BMP6: variants seen among roughly 807,000 people sequenced by gnomAD.
BMP6 encodes the protein bone morphogenetic protein 6.
BMP6 carries 17 observed loss-of-function variants against 54.1 expected under a neutral mutation model. The ratio of observed to expected loss-of-function variants is 0.31; its 90% confidence interval spans 0.22 to 0.47. BMP6 has a LOEUF of 0.47. Among genes scored for constraint, BMP6 ranks in the 20% least tolerant of loss-of-function variants. The pLI is 1.00. For synonymous variants in BMP6, 328 were observed against 291.2 expected (o/e 1.13, Z -1.28); for missense variants, 720 against 690.4 (o/e 1.04, Z -0.48).
intron 1 of BMP6, among the ~76,000 whole-genome samples, chr6:7,843,643 C>T (rs1343821566): frequency 6.6e-6 from 1 of 152,070 alleles, no homozygotes; most frequent in Non-Finnish European, 1.5e-5. Context: ...GAAAAACGAA[C>T]AGGAACAGCA....
chr6:7,729,715 G>T (rs150237662), intron 1 of BMP6, among the ~76,000 whole-genome samples: 1 of 152,284 alleles, frequency 6.6e-6, no homozygotes, highest in African/African-American at 2.4e-5. Context: ...CATTGTCCCA[G>T]TAAGAGATGA....
chr6:7,836,161 T>C (rs1410741580), intron 1 of BMP6, among the ~76,000 whole-genome samples: 2 of 152,024 alleles, frequency 1.3e-5, no homozygotes, highest in Admixed American at 6.6e-5. Context: ...TAAAGTGAAA[T>C]TAATACCTAT....
At chr6:7,801,920 C>T (rs1758275270) in intron 1 of BMP6, among the ~76,000 whole-genome samples, 2 of 152,156 alleles carry the variant, frequency 1.3e-5, no homozygotes, top group East Asian at 1.9e-4. Flanking sequence ...TGAATCCGGT[C>T]AGCTTGCTCT....
chr6:7,727,257 A>G lies in BMP6; in HGVS notation c.302A>G (p.Gln101Arg). The G allele has an allele frequency of 6.2e-7, 1 of 1,606,044 alleles. No individual in the cohort carries two copies. Among genetic ancestry groups the G allele is most frequent in the Non-Finnish European group, 8.5e-7 (1 of 1,176,910 alleles). ...CCCCGGCCCCTGCACGGCCTCCAAC[A>G]GCCGCAGCCCCCGGCGCTCCGGCAG... Reference protein sequence around the residue: ...HRPRPLHGLQQPQPPALRQQE... With the variant: ...HRPRPLHGLQRPQPPALRQQE... The change falls in exon 1 of 7, where the codon CAG becomes CGG. Residue 101 changes from glutamine (Q) to arginine (R), a missense_variant. Gln to Arg is a conservative substitution (Grantham distance 43, BLOSUM62 1). This residue lies in a region of BMP6 where 650 missense variants were observed against 556.3 expected (regional missense o/e 1.17). Coordinates refer to ENST00000283147, the MANE Select transcript of BMP6 (RefSeq NM_001718.6).
chr6:7,836,974 G>T (rs1758885448), intron 1 of BMP6, among the ~76,000 whole-genome samples: 3 of 152,174 alleles, frequency 2.0e-5, no homozygotes, highest in Admixed American at 2.0e-4. Context: ...TCAATGGAAT[G>T]ACCATGTTTC....
chr6:7,832,487 G>C (rs2113237432), intron 1 of BMP6, among the ~76,000 whole-genome samples: 1 of 152,144 alleles, frequency 6.6e-6, no homozygotes, highest in Middle Eastern at 3.4e-3. Flanking sequence ...CCAGCCCCTA[G>C]AACTGTGAGA....
intron 1 of BMP6, among the ~76,000 whole-genome samples, chr6:7,763,056 C>G (rs1757638682): frequency 6.6e-6 from 1 of 152,244 alleles, no homozygotes. Flanking sequence ...TTTGCATCCC[C>G]ACACTCTGCT....
At chr6:7,823,201 G>A (rs1280712920) in intron 1 of BMP6, among the ~76,000 whole-genome samples, 11 of 152,092 alleles carry the variant, frequency 7.2e-5, no homozygotes, top group South Asian at 4.2e-4. Context: ...GAGGCTGACC[G>A]AATTGTGGAC....
At chr6:7,820,378 C>G (rs541460909) in intron 1 of BMP6, among the ~76,000 whole-genome samples, 1 of 152,252 alleles carries the variant, frequency 6.6e-6, no homozygotes, top group East Asian at 1.9e-4. Flanking sequence ...AAGCTGTGAC[C>G]AAAACTCCAC....
intron 1 of BMP6, among the ~76,000 whole-genome samples, chr6:7,830,518 C>T (rs1478947231): frequency 3.3e-5 from 5 of 152,084 alleles, no homozygotes; most frequent in Non-Finnish European, 5.9e-5. Context: ...CATCCTCAGC[C>T]CCTCCAGAAT....
At chr6:7,758,712 C>T (rs976508434) in intron 1 of BMP6, among the ~76,000 whole-genome samples, 5 of 152,246 alleles carry the variant, frequency 3.3e-5, no homozygotes, top group Admixed American at 2.6e-4. Context: ...AAGAAAAACG[C>T]AGCCCTTGGG....
intron 2 of BMP6, among the ~76,000 whole-genome samples, chr6:7,859,003 G>A (rs924546207): frequency 2.6e-5 from 4 of 151,948 alleles, no homozygotes; most frequent in Non-Finnish European, 5.9e-5. Context: ...AGAGTGACTC[G>A]GTAGCAGAGT....
rs184537455 is a variant in BMP6 at position 7,742,309 on chromosome 6, C to T, written c.664+14690C>T. ...AAGTCAGAAAGACATGCCGCTGAGTCTCAATTTAAATTTCCTGGTTGTGCC... is the reference window on the plus strand; with the variant it reads ...AAGTCAGAAAGACATGCCGCTGAGTTTCAATTTAAATTTCCTGGTTGTGCC... On this transcript the variant is annotated intron_variant, in intron 1 of 6. Coordinates refer to ENST00000283147, the MANE Select transcript of BMP6 (RefSeq NM_001718.6). Among the ~76,000 whole-genome samples, 65 of 152,288 alleles carry T rather than the reference C, an allele frequency of 4.3e-4. No homozygotes were observed. The East Asian group carries it at 0.012, about 28-fold the overall frequency.
At chr6:7,790,116 G>GGAAA (rs1319294062) in intron 1 of BMP6, among the ~76,000 whole-genome samples, 1 of 152,026 alleles carries the variant, frequency 6.6e-6, no homozygotes, top group Non-Finnish European at 1.5e-5. Context: ...TCCATTTTCT[G>GGAAA]TGAGCAATAC....
intron 1 of BMP6, among the ~76,000 whole-genome samples, chr6:7,827,888 C>T (rs572327274): frequency 6.6e-6 from 1 of 152,158 alleles, no homozygotes; most frequent in Non-Finnish European, 1.5e-5. Flanking sequence ...GGTAGATTGG[C>T]GTCAATTTGG....
chr6:7,780,654 G>T (rs1309930406), intron 1 of BMP6, among the ~76,000 whole-genome samples: 1 of 151,894 alleles, frequency 6.6e-6, no homozygotes, highest in Non-Finnish European at 1.5e-5. Context: ...AACTTAGTAA[G>T]GGATCAATAT....
At chr6:7,862,164 G>C (rs1759344752) in intron 3 of BMP6, 137 bp from the exon 4 acceptor site, 2 of 1,053,286 alleles carry the variant, frequency 1.9e-6, no homozygotes, top group Non-Finnish European at 2.8e-6. Context: ...GCAAGGTTTG[G>C]GGATACATGA....
chr6:7,857,136 G>A (rs1759254430), intron 2 of BMP6, among the ~76,000 whole-genome samples: 1 of 152,220 alleles, frequency 6.6e-6, no homozygotes, highest in Admixed American at 6.5e-5. Context: ...CTTGGAGGCT[G>A]TGTGATGGGA....
chr6:7,815,560 C>T (rs1180964075), intron 1 of BMP6, among the ~76,000 whole-genome samples: 1 of 152,138 alleles, frequency 6.6e-6, no homozygotes, highest in African/African-American at 2.4e-5. Context: ...ATTAACATGG[C>T]AGTGGCAAAA....
Sources: gnomAD v4.1 joint callset for allele counts (sites outside exome capture counted in the v4.1 genomes callset) on GRCh38, gnomAD v4.1.1 for gene constraint, gnomAD v4.1.1 regional missense constraint, MANE v1.5 for transcripts, NCBI Gene and HGNC (gene_info 2026-07-23, HGNC 2026-07-21) for gene names.